Variants in GPR108 observed in about 807,000 individuals in gnomAD.
GPR108 encodes the protein protein GPR108.
Under a neutral mutation model 74.3 loss-of-function variants are expected in GPR108, and 60 were observed. That is an observed-to-expected ratio of 0.81 (90% CI 0.66 to 1.00). GPR108 has a LOEUF of 1.00. Ranked by LOEUF, GPR108 falls within the 50% of genes least tolerant of loss-of-function variation. The pLI, the probability that GPR108 is intolerant of heterozygous loss-of-function variation, is 0.00. For synonymous variants in GPR108, 311 were observed against 292.4 expected (o/e 1.06, Z -0.65); for missense variants, 667 against 703.3 (o/e 0.95, Z 0.58).
intron 17 of GPR108, 57 bp downstream of exon 17, chr19:6,730,930 G>A (rs1444349556): frequency 3.6e-5 from 45 of 1,261,452 alleles, no homozygotes; most frequent in Non-Finnish European, 4.9e-5. Flanking sequence ...CCGTAGAGCT[G>A]CCCACCCCCT....
intron 8 of GPR108, 27 bp from the exon 9 acceptor site, chr19:6,733,328 G>A (rs781187935): frequency 1.1e-5 from 17 of 1,607,224 alleles, no homozygotes; most frequent in South Asian, 2.2e-5. Flanking sequence ...GGTGGGCGGC[G>A]GCAGGGGCAC....
chr19:6,730,908 T>TG, intron 17 of GPR108, 79 bp downstream of exon 17: 29 of 261,878 alleles, frequency 1.1e-4, no homozygotes, highest in African/African-American at 1.4e-4. Flanking sequence ...CCCTCCCCCC[T>TG]GCCCACCCTG....
Position 6,734,267 on chromosome 19 carries a change from TAAAC to T in GPR108, c.411_414del (p.Phe138SerfsTer43). On this transcript the variant is annotated frameshift_variant, in exon 5 of 18. Transcript: ENST00000264080. LOFTEE classifies it high-confidence loss of function. ...GCTTCCGGGAGGAGCCCGGGAAAGATAAACAACGTCTTCTGCTCTCCATACTTCC... is the reference window on the plus strand; with the variant it reads ...GCTTCCGGGAGGAGCCCGGGAAAGATAACGTCTTCTGCTCTCCATACTTCC... 6.2e-7 allele frequency: 1 copy of T among 1,613,970 alleles called. No individual in the cohort carries two copies. Among genetic ancestry groups the T allele is most frequent in the Non-Finnish European group, 8.5e-7 (1 of 1,180,000 alleles).
In GPR108 at chr19:6,735,978, AG is replaced by A; in HGVS notation, c.241-21del. The A allele has an allele frequency of 6.3e-7, 1 of 1,597,912 alleles. No individual in the cohort carries two copies. The highest frequency in any genetic ancestry group is 1.1e-5 in the South Asian group (1 of 88,992). ...CCCCACCTGGTGGGTGGAAAAAAAA[AG>A]GGGAGGGTGTGAGGGACAGTAGAGA... On this transcript the variant is annotated intron_variant, in intron 2 of 17. Transcript: ENST00000264080.
intron 14 of GPR108, 42 bp from the exon 15 acceptor site, chr19:6,731,564 G>T (rs779767802): frequency 1.2e-5 from 12 of 989,698 alleles, no homozygotes; most frequent in Non-Finnish European, 1.6e-5. Flanking sequence ...GAGACTGAGG[G>T]TGGGAGGGAG....
chr19:6,735,689 C>T lies in GPR108; in HGVS notation c.307G>A (p.Asp103Asn), dbSNP rs1272131341. Reference sequence around the variant, plus strand: ...CTACTGTTTTTCTGGAGAGGGCAGTCCTGGAAATCCCGGGTCTGGGGGGTG... The same window carrying T: ...CTACTGTTTTTCTGGAGAGGGCAGTTCTGGAAATCCCGGGTCTGGGGGGTG... ...VRSYSTRDFQ[D>N]CPLQKNSSSF... The change falls in exon 4 of 18, where the codon GAC (aspartate) becomes AAC (asparagine). Residue 103 changes from aspartate to asparagine, a missense_variant. Asp to Asn is a conservative substitution (Grantham distance 23). Transcript: ENST00000264080. The T allele has an allele frequency of 6.2e-7, 1 of 1,614,018 alleles. No individual in the cohort carries two copies.
Position 6,735,698 on chromosome 19 carries a change from C to T in GPR108, c.298G>A (p.Asp100Asn). ...SGRVRSYSTRDFQDCPLQKNS... is the reference protein window; with the variant it reads ...SGRVRSYSTRNFQDCPLQKNS... ...TTCTGGAGAGGGCAGTCCTGGAAAT[C>T]CCGGGTCTGGGGGGTGGGCAGGAGG... Residue 100 changes from aspartate to asparagine, a missense_variant, in exon 4 of 18, where the codon GAT becomes AAT. Physicochemically the swap from Asp to Asn is conservative, Grantham distance 23 (BLOSUM62 1). Coordinates refer to ENST00000264080, the MANE Select transcript of GPR108 (RefSeq NM_001080452.2). 6.2e-7 allele frequency: 1 copy of T among 1,614,034 alleles called. No homozygotes were observed. The highest frequency in any genetic ancestry group is 8.5e-7 in the Non-Finnish European group (1 of 1,179,980).
chr19:6,737,263 C>A (rs1052971440), intron 1 of GPR108, 194 bp downstream of exon 1: 1 of 673,594 alleles, frequency 1.5e-6, no homozygotes, highest in Non-Finnish European at 2.3e-6. Context: ...CCCAGCGAGG[C>A]GGACCCGGCA....
Position 6,733,007 on chromosome 19 carries a change from T to A in GPR108, c.913A>T (p.Ile305Phe). The A allele has an allele frequency of 6.2e-7, 1 of 1,606,292 alleles. No homozygotes were observed. The highest frequency in any genetic ancestry group is 1.1e-5 in the South Asian group (1 of 90,182). ...LMAALAFTKS[I>F]SLLFHSINYY... ...CTCACGCTGTGGAAGAGGAGAGAGA[T>A]GCTCTTGGTGAAGGCCAAGGCCGCC... Residue 305 changes from isoleucine (I) to phenylalanine (F), a missense_variant, in exon 10 of 18, where the codon ATC (isoleucine) becomes TTC (phenylalanine). Transcript: ENST00000264080.
chr19:6,731,345 A>C, intron 15 of GPR108, 63 bp from the exon 16 acceptor site: 1 of 1,500,112 alleles, frequency 6.7e-7, no homozygotes, highest in Non-Finnish European at 9.0e-7. Flanking sequence ...ATGGGGCTAG[A>C]CTGCAGGACT....
chr19:6,732,635 G>T, intron 10 of GPR108, 86 bp from the exon 11 acceptor site: 1 of 1,009,024 alleles, frequency 9.9e-7, no homozygotes, highest in Non-Finnish European at 1.5e-6. Context: ...AACACGGACC[G>T]TCACCATCAG....
chr19:6,733,345 A>T (rs1599543558), intron 8 of GPR108, 44 bp from the exon 9 acceptor site: 1 of 1,591,622 alleles, frequency 6.3e-7, no homozygotes, highest in Non-Finnish European at 8.6e-7. Context: ...GCACAGCCCG[A>T]CCGCTGGCCT....
chr19:6,737,407 C>G, intron 1 of GPR108, 50 bp downstream of exon 1: 1 of 1,564,886 alleles, frequency 6.4e-7, no homozygotes, highest in East Asian at 2.4e-5. Flanking sequence ...GGGGCTTCTC[C>G]GAGACAAAGT....
At chr19:6,736,811 C>T (rs781240699) in intron 1 of GPR108, 100 bp from the exon 2 acceptor site, 51 of 1,540,154 alleles carry the variant, frequency 3.3e-5, no homozygotes, top group Non-Finnish European at 4.1e-5. Flanking sequence ...TCCTGGTACC[C>T]CTCTATTTAG....
chr19:6,737,556 C>G lies in GPR108; in HGVS notation c.21G>C (p.Arg7Ser). Residue 7 changes from arginine to serine, a missense_variant, in exon 1 of 18, where the codon AGG (arginine) becomes AGC (serine). Coordinates refer to ENST00000264080, the MANE Select transcript of GPR108 (RefSeq NM_001080452.2). Reference sequence around the variant, plus strand: ...CCGCGGGGCTCCCGCGGCCGAGCCCCCTCCTCTCGCTCACTGCCATCTCTG... The same window carrying G: ...CCGCGGGGCTCCCGCGGCCGAGCCCGCTCCTCTCGCTCACTGCCATCTCTG... MAVSERRGLGRGSPAEW... is the reference protein window; with the variant it reads MAVSERSGLGRGSPAEW... 1 of 1,527,446 alleles carries G rather than the reference C, an allele frequency of 6.5e-7. No homozygotes were observed. Among genetic ancestry groups the G allele is most frequent in the Non-Finnish European group, 8.7e-7 (1 of 1,143,996 alleles). 94.6% of individuals were successfully genotyped at this position (1,527,446 alleles called of 1,614,324 possible). A position where few individuals can be genotyped will look rare whatever the true frequency, so the allele number is the denominator to read the frequency against.
At chr19:6,732,805 A>T (rs923245930) in intron 10 of GPR108, 182 bp downstream of exon 10, 6 of 656,036 alleles carry the variant, frequency 9.1e-6, no homozygotes, top group Admixed American at 2.3e-5. Context: ...TGGTGGACAG[A>T]GCTGCCCCGC....
At chr19:6,731,363 G>A in intron 15 of GPR108, 81 bp from the exon 16 acceptor site, 1 of 1,493,212 alleles carries the variant, frequency 6.7e-7, no homozygotes, top group Non-Finnish European at 9.0e-7. Context: ...ACTGCGGGCT[G>A]GGGAGCCTGG....
In GPR108 at chr19:6,732,011, G is replaced by A; in HGVS notation, c.1256+14C>T. ...GCACAGGGCAGAGCCTCAGCCCGGGGGCAGGGTCCTCACCAGACTACGGGG... is the reference window on the plus strand; with the variant it reads ...GCACAGGGCAGAGCCTCAGCCCGGGAGCAGGGTCCTCACCAGACTACGGGG... On this transcript the variant is annotated intron_variant, in intron 13 of 17. Transcript: ENST00000264080. 1 of 1,613,710 alleles carries A rather than the reference G, an allele frequency of 6.2e-7. No individual in the cohort carries two copies. The highest frequency in any genetic ancestry group is 8.5e-7 in the Non-Finnish European group (1 of 1,179,946).
rs339401 is a variant in GPR108, at chr19:6,737,498, G to A, written c.79C>T (p.Leu27=). 1,389,129 of 1,585,078 alleles carry A rather than the reference G, an allele frequency of 0.88. 609,722 individuals carry two copies. Among genetic ancestry groups the A allele is most frequent in the East Asian group, 0.98 (42,091 of 43,058 alleles). Residue 27 remains leucine (L), a synonymous_variant, in exon 1 of 18, where the codon CTG becomes TTG. Coordinates refer to ENST00000264080, the MANE Select transcript of GPR108 (RefSeq NM_001080452.2). ...WGQRLLLVLL[L]GGCSGRIHQL... is the part of the protein sequence containing the mutation. ...TGGATGCGCCCGGAGCAGCCACCCA[G>A]CAGCAGCACCAGAAGTAGCCGCTGC... is the stretch of plus-strand genomic sequence containing the variant.
Sources: gnomAD v4.1 joint callset for allele counts on GRCh38, gnomAD v4.1.1 for gene constraint, MANE v1.5 for transcripts, NCBI Gene and HGNC (gene_info 2026-07-23, HGNC 2026-07-21) for gene names.